Variants in CABLES1 observed in about 807,000 individuals in gnomAD.
The protein encoded by CABLES1 is CDK5 and ABL1 enzyme substrate 1.
Under a neutral mutation model 57.8 loss-of-function variants are expected in CABLES1, and 36 were observed. That is an observed-to-expected ratio of 0.62 (90% CI 0.48 to 0.82). The LOEUF is 0.82. CABLES1 is among the 40% of genes least tolerant of loss of function. The pLI is 0.00. For synonymous variants in CABLES1, 374 were observed against 363.0 expected (o/e 1.03, Z -0.35); for missense variants, 767 against 836.6 (o/e 0.92, Z 1.03).
At chr18:23,249,576 T>G (rs1278094649) in intron 7 of CABLES1, among the ~76,000 whole-genome samples, 1 of 152,210 alleles carries the variant, frequency 6.6e-6, no homozygotes. Flanking sequence ...GTGCTCCTGA[T>G]GAAATTTTTC....
In CABLES1 at chr18:23,212,879, G is replaced by A. The variant is rs79101187; in HGVS notation, c.1011-1098G>A. Among the ~76,000 whole-genome samples, 1,094 of 152,234 alleles carry A rather than the reference G, an allele frequency of 7.2e-3. 13 individuals carry two copies. Among genetic ancestry groups the A allele is most frequent in the African/African-American group, 0.025 (1,019 of 41,550 alleles). On this transcript the variant is annotated intron_variant, in intron 3 of 9. Coordinates refer to ENST00000256925, the MANE Select transcript of CABLES1 (RefSeq NM_001100619.3). Reference sequence around the variant, plus strand: ...GAGTTCATTGGGTGTTTCAAGGTGGGGCATATAGGCAGAAGAAATAGCATG... The same window carrying A: ...GAGTTCATTGGGTGTTTCAAGGTGGAGCATATAGGCAGAAGAAATAGCATG...
intron 1 of CABLES1, among the ~76,000 whole-genome samples, chr18:23,137,274 T>A (rs929260253): frequency 6.6e-6 from 1 of 152,274 alleles, no homozygotes; most frequent in Non-Finnish European, 1.5e-5. Context: ...CTTGTTTTAC[T>A]TGTTTGTTAG....
intron 1 of CABLES1, chr18:23,149,816 C>T (rs1009892822): frequency 6.6e-6 from 1 of 152,276 alleles, no homozygotes; most frequent in African/African-American, 2.4e-5. Flanking sequence ...GTCGCCCGTT[C>T]AGGCTTGGGA....
intron 7 of CABLES1, among the ~76,000 whole-genome samples, chr18:23,240,166 G>T (rs1192769722): frequency 6.6e-6 from 1 of 152,162 alleles, no homozygotes; most frequent in Non-Finnish European, 1.5e-5. Flanking sequence ...AGGGTTGGAC[G>T]TGGGCCCCAG....
chr18:23,245,955 G>A (rs1276132819), intron 7 of CABLES1, among the ~76,000 whole-genome samples: 1 of 152,194 alleles, frequency 6.6e-6, no homozygotes, highest in Non-Finnish European at 1.5e-5. Flanking sequence ...CCCATGGCCT[G>A]GAGTTAGGTG....
intron 2 of CABLES1, chr18:23,189,162 T>C (rs2047223891): frequency 2.3e-6 from 1 of 425,570 alleles, no homozygotes; most frequent in Non-Finnish European, 4.2e-6. Context: ...CCGTGGCGCC[T>C]CTTCATTTTG....
chr18:23,203,840 G>A (rs777459320), intron 3 of CABLES1, among the ~76,000 whole-genome samples: 3 of 152,122 alleles, frequency 2.0e-5, no homozygotes, highest in Non-Finnish European at 4.4e-5. Flanking sequence ...CTTGCAACAC[G>A]GACCCTTTCC....
In CABLES1 at chr18:23,181,384, T is replaced by G. The variant is rs146455141; in HGVS notation, c.846-7454T>G. Among the ~76,000 whole-genome samples, 452 of 150,326 alleles carry G rather than the reference T, an allele frequency of 3.0e-3. 2 individuals carry two copies. Among genetic ancestry groups the G allele is most frequent in the African/African-American group, 0.01 (419 of 40,892 alleles). ...GGTGGTATGCGCCTGTAGTCCCAGC[T>G]ACTTGGGAGGCTGAGGCAGGAGAAT... On this transcript the variant is annotated intron_variant, in intron 1 of 9. Transcript: ENST00000256925.
At chr18:23,234,318 C>T (rs1035520250) in intron 4 of CABLES1, among the ~76,000 whole-genome samples, 11 of 152,228 alleles carry the variant, frequency 7.2e-5, no homozygotes, top group Admixed American at 3.3e-4. Flanking sequence ...GCCTCATGTT[C>T]ATTGGCCGTC....
At position 23,188,874 on chromosome 18, in the gene CABLES1, CCT is replaced by C; in HGVS notation, c.883_884del (p.Leu295GlyfsTer4). The C allele has an allele frequency of 6.2e-7, 1 of 1,613,920 alleles. No individual in the cohort carries two copies. Among genetic ancestry groups the C allele is most frequent in the Admixed American group, 1.7e-5 (1 of 60,004 alleles). On this transcript the variant is annotated frameshift_variant, in exon 2 of 10. Coordinates refer to ENST00000256925, the MANE Select transcript of CABLES1 (RefSeq NM_001100619.3). LOFTEE classifies it high-confidence loss of function. ...LISQRSSLETLEDIEENAPLR... is the reference protein window; with the variant it reads ...LISQRSSLETXEDIEENAPLR... ...TCTCCCAGAGATCTTCCTTGGAGAC[CCT>C]GGAAGATATTGAGGAGAACGCCCCT...
intron 1 of CABLES1, among the ~76,000 whole-genome samples, chr18:23,151,488 C>T (rs1360387809): frequency 6.6e-6 from 1 of 152,130 alleles, no homozygotes; most frequent in Non-Finnish European, 1.5e-5. Flanking sequence ...GCAGGTGCGT[C>T]TTGGAGGTAG....
chr18:23,163,919 T>TA (rs772039665), intron 1 of CABLES1, among the ~76,000 whole-genome samples: 6 of 152,184 alleles, frequency 3.9e-5, no homozygotes, highest in Non-Finnish European at 8.8e-5. Context: ...ATAATCTGTA[T>TA]AATAGCCTAT....
chr18:23,156,453 C>A (rs1205285149), intron 1 of CABLES1, among the ~76,000 whole-genome samples: 1 of 152,228 alleles, frequency 6.6e-6, no homozygotes, highest in Non-Finnish European at 1.5e-5. Flanking sequence ...AGTGCCTGTG[C>A]TTTGTCCTCC....
chr18:23,229,305 G>T (rs1322118186), intron 4 of CABLES1, among the ~76,000 whole-genome samples: 1 of 152,184 alleles, frequency 6.6e-6, no homozygotes, highest in South Asian at 2.1e-4. Flanking sequence ...CCAGCTACTC[G>T]GGAGGCTGAG....
intron 1 of CABLES1, among the ~76,000 whole-genome samples, chr18:23,172,288 C>T (rs2047088471): frequency 6.6e-6 from 1 of 152,136 alleles, no homozygotes; most frequent in South Asian, 2.1e-4. Flanking sequence ...CTGTCGTTAC[C>T]TCTGCTAACC....
chr18:23,192,752 G>A (rs1194069748), intron 2 of CABLES1, among the ~76,000 whole-genome samples: 1 of 152,224 alleles, frequency 6.6e-6, no homozygotes, highest in Non-Finnish European at 1.5e-5. Context: ...CTTTGCGTGT[G>A]TGTGACAGGT....
chr18:23,187,044 T>C (rs1234628131), intron 1 of CABLES1, among the ~76,000 whole-genome samples: 3 of 152,222 alleles, frequency 2.0e-5, no homozygotes, highest in Non-Finnish European at 4.4e-5. Context: ...AGGCAAGCTC[T>C]GTCCCCTGAG....
intron 1 of CABLES1, chr18:23,156,030 G>A: frequency 4.6e-6 from 7 of 1,510,640 alleles, no homozygotes; most frequent in Non-Finnish European, 6.4e-6. Context: ...GATGCTGACG[G>A]TCTTTGTTGG....
chr18:23,156,049 C>T, intron 1 of CABLES1: 1 of 1,387,184 alleles, frequency 7.2e-7, no homozygotes, highest in South Asian at 1.2e-5. Context: ...GGAAATTGAT[C>T]TCTGAGGCTC....
Sources: gnomAD v4.1 joint callset for allele counts (sites outside exome capture counted in the v4.1 genomes callset) on GRCh38, gnomAD v4.1.1 for gene constraint, MANE v1.5 for transcripts, NCBI Gene and HGNC (gene_info 2026-07-23, HGNC 2026-07-21) for gene names.